Variants in ATAD2B observed in about 807,000 individuals in gnomAD.
ATAD2B encodes ATPase family AAA domain containing 2B, also known as ATPase family AAA domain-containing protein 2B.
ATAD2B carries 40 observed loss-of-function variants against 167.6 expected under a neutral mutation model. The observed-to-expected ratio is 0.24, with a 90% CI of 0.19 to 0.31. ATAD2B has a LOEUF of 0.31. Among genes scored for constraint, ATAD2B ranks in the 10% least tolerant of loss-of-function variants. ATAD2B has a pLI of 1.00. For missense variants in ATAD2B, 1,242 were observed against 1,757.2 expected (o/e 0.71, Z 5.24); for synonymous variants, 579 against 596.5 (o/e 0.97, Z 0.43).
At chr2:23,695,414 C>T in the ATAD2B span, among the ~76,000 whole-genome samples, 4 of 152,210 alleles carry the variant, frequency 2.6e-5, no homozygotes, top group East Asian at 7.7e-4. This position sits in a 1 kb window ranked among gnomAD's most constrained non-coding sequence, Gnocchi z 7.6. Flanking sequence ...GCCTCCCCTC[C>T]GCACCCCTGC....
chr2:23,724,813 G>C, the ATAD2B span, among the ~76,000 whole-genome samples: 1 of 152,168 alleles, frequency 6.6e-6, no homozygotes, highest in Non-Finnish European at 1.5e-5. Context: ...GGAGGCCGAG[G>C]TGGGCGGATC....
rs562109358 is a variant in ATAD2B at position 23,914,365 on chromosome 2, A to G, written c.216+12190T>C. Among the ~76,000 whole-genome samples, 49 of 152,328 alleles carry G rather than the reference A, an allele frequency of 3.2e-4. No homozygotes were observed. The Middle Eastern group carries it at 0.017, about 53-fold the overall frequency. The stretch of plus-strand genomic sequence containing the variant: ...AATCTCTAATTACTCTTGAAAAATA[A>G]TAATAAAATAGGAACTCCAGTAGAA... On this transcript the variant is annotated intron_variant, in intron 1 of 27. Coordinates refer to ENST00000238789, the MANE Select transcript of ATAD2B (RefSeq NM_017552.4).
At chr2:23,813,686 A>G (rs1359011131) in intron 17 of ATAD2B, among the ~76,000 whole-genome samples, 2 of 152,102 alleles carry the variant, frequency 1.3e-5, no homozygotes, top group East Asian at 3.8e-4. Context: ...TCAAGGCTGC[A>G]GTGAGCCATG....
chr2:23,718,917 A>G, the ATAD2B span, among the ~76,000 whole-genome samples: 1 of 152,162 alleles, frequency 6.6e-6, no homozygotes, highest in Non-Finnish European at 1.5e-5. Flanking sequence ...TCTCTCTCCC[A>G]TGAGGATCCT....
intron 1 of ATAD2B, among the ~76,000 whole-genome samples, chr2:23,907,001 A>G (rs969846956): frequency 1.9e-4 from 29 of 149,902 alleles, no homozygotes; most frequent in Admixed American, 1.9e-3. Context: ...ACACACTCAC[A>G]GCCAATATCA....
the ATAD2B span, among the ~76,000 whole-genome samples, chr2:23,732,102 A>T: frequency 6.6e-6 from 1 of 152,222 alleles, no homozygotes; most frequent in Admixed American, 6.5e-5. Context: ...TTGAGTGCTC[A>T]ATAGCTACCA....
intron 1 of ATAD2B, among the ~76,000 whole-genome samples, chr2:23,913,160 C>T (rs1305713769): frequency 2.0e-5 from 3 of 152,102 alleles, no homozygotes; most frequent in Non-Finnish European, 2.9e-5. Flanking sequence ...TTCCCCAGCA[C>T]ACAATAAACA....
chr2:23,871,209 T>C (rs1199877764), intron 8 of ATAD2B, among the ~76,000 whole-genome samples: 3 of 152,026 alleles, frequency 2.0e-5, no homozygotes, highest in African/African-American at 4.8e-5. Flanking sequence ...ATATCCCTTA[T>C]ATCGTCTTCT....
At chr2:23,739,330 C>T in the ATAD2B span, among the ~76,000 whole-genome samples, 4 of 152,108 alleles carry the variant, frequency 2.6e-5, no homozygotes, top group African/African-American at 4.8e-5. Context: ...TGTAAAAGAA[C>T]AGAAATTATA....
At chr2:23,794,039 G>A (rs947153492) in intron 19 of ATAD2B, among the ~76,000 whole-genome samples, 8 of 152,078 alleles carry the variant, frequency 5.3e-5, no homozygotes, top group Non-Finnish European at 1.0e-4. Flanking sequence ...TTGAGACAGC[G>A]TCTCACTCTG....
chr2:23,903,091 C>T (rs886625109), intron 1 of ATAD2B, among the ~76,000 whole-genome samples: 1 of 151,886 alleles, frequency 6.6e-6, no homozygotes. Context: ...GAAAAATTAG[C>T]CAGGTGTGCT....
chr2:23,909,194 T>G (rs577994290), intron 1 of ATAD2B, among the ~76,000 whole-genome samples: 1 of 151,124 alleles, frequency 6.6e-6, no homozygotes, highest in Non-Finnish European at 1.5e-5. Flanking sequence ...AAAGAAATAT[T>G]AGCCATCAAG....
chr2:23,774,164 A>G (rs1678747204), intron 22 of ATAD2B, among the ~76,000 whole-genome samples: 1 of 152,226 alleles, frequency 6.6e-6, no homozygotes, highest in African/African-American at 2.4e-5. Context: ...TTTCATAAAT[A>G]AGAAATTTGG....
chr2:23,836,977 T>C (rs1690087431), intron 13 of ATAD2B, among the ~76,000 whole-genome samples: 2 of 152,120 alleles, frequency 1.3e-5, no homozygotes, highest in Non-Finnish European at 2.9e-5. Flanking sequence ...CTCCCTAGCC[T>C]GAAGGTGGGT....
At chr2:23,702,860 C>T in the ATAD2B span, among the ~76,000 whole-genome samples, 3 of 152,192 alleles carry the variant, frequency 2.0e-5, no homozygotes, top group South Asian at 2.1e-4. Context: ...TCCAGCATTG[C>T]GGAATGCAAG....
chr2:23,885,675 C>T, intron 5 of ATAD2B, 52 bp downstream of exon 5: 1 of 1,107,034 alleles, frequency 9.0e-7, no homozygotes, highest in South Asian at 1.5e-5. Context: ...CTTTAAATTC[C>T]TCAATTAAAA....
intron 6 of ATAD2B, chr2:23,883,592 A>G: frequency 7.7e-7 from 1 of 1,292,728 alleles, no homozygotes; most frequent in Non-Finnish European, 1.0e-6. Context: ...AATCTGTCTC[A>G]CCTATACTGA....
chr2:23,759,149 T>C (rs1281265000), intron 24 of ATAD2B, among the ~76,000 whole-genome samples: 1 of 152,202 alleles, frequency 6.6e-6, no homozygotes, highest in African/African-American at 2.4e-5. Flanking sequence ...GAATCACTTC[T>C]GGTATCTAAC....
chr2:23,760,703 C>CAT (rs1401976988), intron 24 of ATAD2B, among the ~76,000 whole-genome samples: 1 of 133,888 alleles, frequency 7.5e-6, no homozygotes, highest in Non-Finnish European at 1.6e-5. Flanking sequence ...TATATATACA[C>CAT]ACACACACAC....
Sources: gnomAD v4.1 joint callset for allele counts (sites outside exome capture counted in the v4.1 genomes callset) on GRCh38, gnomAD v4.1.1 for gene constraint, Gnocchi (gnomAD v3.1) non-coding constraint, MANE v1.5 for transcripts, NCBI Gene and HGNC (gene_info 2026-07-23, HGNC 2026-07-21) for gene names.